FERMT2: variants seen among roughly 807,000 people sequenced by gnomAD.
The protein encoded by FERMT2 is fermitin family homolog 2.
FERMT2 carries 15 observed loss-of-function variants against 82.7 expected under a neutral mutation model. The ratio of observed to expected loss-of-function variants is 0.18; its 90% CI spans 0.12 to 0.28. The LOEUF (loss-of-function observed/expected upper bound fraction) is 0.28. Among genes scored for constraint, FERMT2 ranks in the 10% least tolerant of loss-of-function variants. FERMT2 has a pLI of 1.00. For synonymous variants in FERMT2, 274 were observed against 271.5 expected (o/e 1.01, Z -0.09); for missense variants, 645 against 809.4 (o/e 0.80, Z 2.46).
chr14:52,869,485 T>A (rs990839774), intron 10 of FERMT2, among the ~76,000 whole-genome samples: 1 of 152,162 alleles, frequency 6.6e-6, no homozygotes. Flanking sequence ...GAACTGCATA[T>A]ACGACAGCGA....
At position 52,926,907 on chromosome 14, in the gene FERMT2, C is replaced by A. The variant is rs150729371; in HGVS notation, c.158-7551G>T. Among the ~76,000 whole-genome samples, 10 of 152,238 alleles carry A rather than the reference C, an allele frequency of 6.6e-5. No homozygotes were observed. The East Asian group carries it at 1.5e-3, about 24-fold the overall frequency. ...TAAATTTTAGTAAAATATCTTAATTCTTCAAAACATTTTGCCAGCATTCTG... is the reference window on the plus strand; with the variant it reads ...TAAATTTTAGTAAAATATCTTAATTATTCAAAACATTTTGCCAGCATTCTG... On this transcript the variant is annotated intron_variant, in intron 2 of 14. Coordinates refer to ENST00000341590, the MANE Select transcript of FERMT2 (RefSeq NM_006832.3).
chr14:52,858,699 GC>G, intron 14 of FERMT2, 149 bp from the exon 15 acceptor site: 1 of 634,244 alleles, frequency 1.6e-6, no homozygotes, highest in South Asian at 2.5e-5. Flanking sequence ...AACGAATAAT[GC>G]CTTTAAGTCC....
intron 3 of FERMT2, among the ~76,000 whole-genome samples, chr14:52,912,476 C>G (rs949125185): frequency 1.3e-5 from 2 of 151,400 alleles, no homozygotes; most frequent in African/African-American, 2.4e-5. Flanking sequence ...CCCAGTGAAG[C>G]AGAAATTCCC....
chr14:52,864,341 T>G (rs1277676107), intron 12 of FERMT2, 60 bp downstream of exon 12: 5 of 1,285,984 alleles, frequency 3.9e-6, no homozygotes, highest in Non-Finnish European at 5.6e-6. Flanking sequence ...AAAAACAAAG[T>G]TATGTACAAA....
intron 4 of FERMT2, among the ~76,000 whole-genome samples, chr14:52,888,888 G>C (rs181796019): frequency 6.6e-5 from 10 of 152,106 alleles, no homozygotes; most frequent in African/African-American, 1.9e-4. Context: ...AGGTAAACAA[G>C]GCTACAAAAA....
intron 4 of FERMT2, among the ~76,000 whole-genome samples, chr14:52,892,986 A>G (rs1887038035): frequency 6.6e-6 from 1 of 152,096 alleles, no homozygotes; most frequent in Admixed American, 6.5e-5. Context: ...GGACAGAGAA[A>G]AATGCTGAAG....
intron 3 of FERMT2, among the ~76,000 whole-genome samples, chr14:52,912,207 T>C (rs1363121206): frequency 6.6e-6 from 1 of 152,216 alleles, no homozygotes; most frequent in African/African-American, 2.4e-5. Flanking sequence ...ATCTGCTCCT[T>C]CATGTAAACA....
chr14:52,925,300 C>G (rs1210334959), intron 2 of FERMT2, among the ~76,000 whole-genome samples: 1 of 152,076 alleles, frequency 6.6e-6, no homozygotes, highest in Non-Finnish European at 1.5e-5. Context: ...ACCTGTAATC[C>G]CAGTATGTTG....
chr14:52,871,616 A>T (rs573300152), intron 10 of FERMT2: 1 of 152,434 alleles, frequency 6.6e-6, no homozygotes, highest in East Asian at 1.9e-4. Context: ...GAAAAAGGTG[A>T]AAGAGCAGTA....
At chr14:52,860,547 T>A in intron 12 of FERMT2, 82 bp from the exon 13 acceptor site, 1 of 1,263,956 alleles carries the variant, frequency 7.9e-7, no homozygotes, top group Non-Finnish European at 1.1e-6. Context: ...AAAGATTGAA[T>A]TACGCACCCC....
At chr14:52,860,692 A>T (rs1480243885) in intron 12 of FERMT2, 1 of 570,496 alleles carries the variant, frequency 1.8e-6, no homozygotes, top group African/African-American at 1.9e-5. Context: ...AAAAAGTACT[A>T]TTAGGAGTAC....
chr14:52,860,555 C>A, intron 12 of FERMT2, 90 bp from the exon 13 acceptor site: 1 of 1,094,758 alleles, frequency 9.1e-7, no homozygotes, highest in East Asian at 2.5e-5. Flanking sequence ...AATTACGCAC[C>A]CCGTACCCCA....
At chr14:52,897,762 T>C (rs1350227290) in intron 3 of FERMT2, among the ~76,000 whole-genome samples, 2 of 151,944 alleles carry the variant, frequency 1.3e-5, no homozygotes, top group African/African-American at 4.8e-5. Context: ...GGATCACCTG[T>C]GGTCAGCAGT....
chr14:52,883,860 C>A (rs968565216), intron 4 of FERMT2, among the ~76,000 whole-genome samples: 1 of 152,098 alleles, frequency 6.6e-6, no homozygotes, highest in Admixed American at 6.5e-5. Flanking sequence ...CCCACCCCTA[C>A]CTCCTGTTCC....
At chr14:52,892,666 C>A (rs144877150) in intron 4 of FERMT2, among the ~76,000 whole-genome samples, 1,536 of 151,428 alleles carry the variant, frequency 0.01, 26 homozygotes, top group African/African-American at 0.035. Context: ...ACTGTGTTAG[C>A]CAGGATGGTC....
chr14:52,880,142 C>T (rs1382074648), intron 6 of FERMT2, among the ~76,000 whole-genome samples: 1 of 152,030 alleles, frequency 6.6e-6, no homozygotes, highest in Non-Finnish European at 1.5e-5. Flanking sequence ...CCTGTAGTCC[C>T]AGCTACTTGG....
chr14:52,906,173 G>GA (rs763243895), intron 3 of FERMT2, among the ~76,000 whole-genome samples: 4 of 152,168 alleles, frequency 2.6e-5, no homozygotes, highest in Non-Finnish European at 4.4e-5. Context: ...AAGGTGGCTA[G>GA]AATGTGTGGG....
intron 2 of FERMT2, among the ~76,000 whole-genome samples, chr14:52,930,511 AGT>A (rs1889514190): frequency 1.3e-5 from 2 of 152,170 alleles, no homozygotes; most frequent in African/African-American, 2.4e-5. Context: ...ACCTGCAGAG[AGT>A]GAGTTGGATG....
chr14:52,911,811 T>C (rs1888329027), intron 3 of FERMT2, among the ~76,000 whole-genome samples: 1 of 152,210 alleles, frequency 6.6e-6, no homozygotes, highest in Admixed American at 6.5e-5. Context: ...AATTATGTAT[T>C]AAATATGCAT....
Sources: allele counts gnomAD v4.1 joint callset (sites outside exome capture counted in the v4.1 genomes callset), GRCh38; gene constraint gnomAD v4.1.1; transcripts MANE v1.5; gene names NCBI Gene and HGNC (gene_info 2026-07-23, HGNC 2026-07-21).